Variants in GLYAT observed in about 807,000 individuals in gnomAD.
The protein encoded by GLYAT is glycine-N-acyltransferase, also known as glycine N-acyltransferase.
In GLYAT, 25 loss-of-function variants were observed where a neutral mutation model predicts 22.8. That is an observed-to-expected ratio of 1.09 (90% CI 0.80 to 1.53). GLYAT has a LOEUF of 1.53. Among genes scored for constraint, GLYAT ranks in the 40% most tolerant of loss-of-function variants. The probability of loss-of-function intolerance (pLI) is 0.00; values close to 1 mark genes in which losing one functional copy is unlikely to be tolerated. For missense variants in GLYAT, 411 were observed against 353.9 expected (o/e 1.16, Z -1.29); for synonymous variants, 140 against 122.7 (o/e 1.14, Z -0.93).
intron 1 of GLYAT, among the ~76,000 whole-genome samples, chr11:58,730,680 C>A (rs1411109909): frequency 2.6e-5 from 4 of 152,152 alleles, no homozygotes; most frequent in Non-Finnish European, 5.9e-5. Flanking sequence ...TAACCCTGGA[C>A]TCACTTGAGC....
At chr11:58,730,852 A>G (rs1443123793) in intron 1 of GLYAT, among the ~76,000 whole-genome samples, 1 of 152,346 alleles carries the variant, frequency 6.6e-6, no homozygotes, top group African/African-American at 2.4e-5. Flanking sequence ...ATGTGCCTCA[A>G]TAGGGGAAGA....
chr11:58,714,665 T>G (rs768966101), intron 3 of GLYAT, among the ~76,000 whole-genome samples: 3 of 152,086 alleles, frequency 2.0e-5, no homozygotes, highest in Non-Finnish European at 2.9e-5. Flanking sequence ...TTTCATGAGA[T>G]CTGATGGTTT....
intron 1 of GLYAT, among the ~76,000 whole-genome samples, 164 bp from the exon 2 acceptor site, chr11:58,724,675 G>A (rs985051470): frequency 2.0e-5 from 3 of 151,972 alleles, no homozygotes; most frequent in African/African-American, 4.8e-5. Flanking sequence ...GAAAACACAA[G>A]GAGCTTTCTC....
chr11:58,721,191 T>G (rs1420818617), intron 2 of GLYAT, among the ~76,000 whole-genome samples: 1 of 152,036 alleles, frequency 6.6e-6, no homozygotes, highest in East Asian at 1.9e-4. Context: ...CTTGGTAACC[T>G]GTTTCAAAAC....
intron 4 of GLYAT, 31 bp from the exon 5 acceptor site, chr11:58,710,792 GT>G (rs760250345): frequency 1.5e-6 from 2 of 1,302,580 alleles, no homozygotes; most frequent in Non-Finnish European, 1.1e-6. Context: ...AGATGAAATG[GT>G]TTAGGTATAT....
At chr11:58,710,824 T>A in intron 4 of GLYAT, 63 bp from the exon 5 acceptor site, 1 of 996,958 alleles carries the variant, frequency 1.0e-6, no homozygotes, top group Non-Finnish European at 1.6e-6. Context: ...AGTTCTGCAG[T>A]GGAGTAAGAA....
At chr11:58,728,057 T>A (rs75984081) in intron 1 of GLYAT, among the ~76,000 whole-genome samples, 2 of 127,708 alleles carry the variant, frequency 1.6e-5, no homozygotes, top group African/African-American at 6.2e-5. Flanking sequence ...CTAAAGCTTT[T>A]TTTTTTTTTT....
intron 2 of GLYAT, among the ~76,000 whole-genome samples, chr11:58,722,325 G>A (rs1856760291): frequency 6.6e-6 from 1 of 152,044 alleles, no homozygotes; most frequent in African/African-American, 2.4e-5. Context: ...CTTTGCCAAG[G>A]TTGAGGATGT....
chr11:58,716,908 T>C (rs1246420870), intron 2 of GLYAT, among the ~76,000 whole-genome samples: 2 of 152,098 alleles, frequency 1.3e-5, no homozygotes, highest in Non-Finnish European at 2.9e-5. Flanking sequence ...TTTGGAAAAG[T>C]GGGACTTCTT....
chr11:58,727,246 G>C (rs2134497165), intron 1 of GLYAT, among the ~76,000 whole-genome samples: 1 of 152,264 alleles, frequency 6.6e-6, no homozygotes, highest in South Asian at 2.1e-4. Flanking sequence ...ATAAATTTTG[G>C]GGGATGTCTG....
intron 1 of GLYAT, among the ~76,000 whole-genome samples, chr11:58,728,053 C>CTTTTT (rs1173955703): frequency 1.5e-4 from 10 of 68,680 alleles, no homozygotes; most frequent in South Asian, 5.1e-4. Flanking sequence ...TGCTCTAAAG[C>CTTTTT]TTTTTTTTTT....
At chr11:58,719,517 CTT>C (rs1234371271) in intron 2 of GLYAT, among the ~76,000 whole-genome samples, 2 of 151,986 alleles carry the variant, frequency 1.3e-5, no homozygotes, top group Non-Finnish European at 2.9e-5. Flanking sequence ...AGAAATGAAA[CTT>C]ATTTTATCTT....
intron 2 of GLYAT, among the ~76,000 whole-genome samples, chr11:58,723,654 GA>G (rs954601813): frequency 6.6e-6 from 1 of 151,834 alleles, no homozygotes; most frequent in Non-Finnish European, 1.5e-5. Flanking sequence ...ACATATACAT[GA>G]ACAATTGTAC....
At chr11:58,718,243 C>G (rs1315936222) in intron 2 of GLYAT, among the ~76,000 whole-genome samples, 1 of 152,010 alleles carries the variant, frequency 6.6e-6, no homozygotes, top group Non-Finnish European at 1.5e-5. Flanking sequence ...TAAGAATACT[C>G]ACAATTTCCA....
intron 2 of GLYAT, among the ~76,000 whole-genome samples, chr11:58,716,173 T>C (rs1856677684): frequency 6.6e-6 from 1 of 152,058 alleles, no homozygotes; most frequent in Admixed American, 6.6e-5. Context: ...GAGGTGAGAA[T>C]GAGTGAGAGT....
rs1440441141 is a variant in GLYAT at position 58,708,816 on chromosome 11, C to G, written c.*950G>C. On this transcript the variant is annotated 3_prime_UTR_variant, in exon 6 of 6. Transcript: ENST00000344743. ...TTTTAAATAAACAAATAAGTTCAGA[C>G]TGTTATTTATGAATTACCCAGTCTC... 1 of 152,092 alleles carries G rather than the reference C, an allele frequency of 6.6e-6. No homozygotes were observed. The highest frequency in any genetic ancestry group is 1.5e-5 in the Non-Finnish European group (1 of 67,992). 9.4% of individuals were successfully genotyped at this position (152,092 alleles called of 1,614,324 possible).
intron 2 of GLYAT, among the ~76,000 whole-genome samples, chr11:58,723,353 G>A (rs1043253102): frequency 1.3e-5 from 2 of 152,166 alleles, no homozygotes; most frequent in Middle Eastern, 3.4e-3. Context: ...GGAGCTTCAA[G>A]GTGGGTAACT....
Position 58,708,970 on chromosome 11 carries a change from G to C in GLYAT, c.*796C>G, listed in dbSNP as rs557011297. 4 of 151,974 alleles carry C rather than the reference G, an allele frequency of 2.6e-5. No homozygotes were observed. Among genetic ancestry groups the C allele is most frequent in the Admixed American group, 1.3e-4 (2 of 15,258 alleles). 9.4% of individuals were successfully genotyped at this position (151,974 alleles called of 1,614,324 possible). The stretch of plus-strand genomic sequence containing the variant: ...TCCTCAATAAACCATCACATCCCTG[G>C]GTCAAGGTGCTCCCACCTTCACCTT... On this transcript the variant is annotated 3_prime_UTR_variant, in exon 6 of 6. Transcript: ENST00000344743.
Position 58,709,766 on chromosome 11 carries a change from T to C in GLYAT, c.891A>G (p.Ter297TrpextTer4). Residue 297 changes from the stop codon to tryptophan, a stop_lost, in exon 6 of 6, where the codon TGA (stop) becomes TGG (tryptophan). Transcript: ENST00000344743. ...SWNQWNCVPL[*>W] is the part of the protein sequence containing the mutation. Reference sequence around the variant, plus strand: ...CACTGTCTTATGTTCAGGATTGGCATCACAGAGGTACACAGTTCCACTGGT... The same window carrying C: ...CACTGTCTTATGTTCAGGATTGGCACCACAGAGGTACACAGTTCCACTGGT... 2 of 1,605,154 alleles carry C rather than the reference T, an allele frequency of 1.2e-6. No homozygotes were observed. The highest frequency in any genetic ancestry group is 1.7e-6 in the Non-Finnish European group (2 of 1,174,562).
Sources: gnomAD v4.1 joint callset for allele counts (sites outside exome capture counted in the v4.1 genomes callset) on GRCh38, gnomAD v4.1.1 for gene constraint, MANE v1.5 for transcripts, NCBI Gene and HGNC (gene_info 2026-07-23, HGNC 2026-07-21) for gene names.